The following SAMD4B variants were observed in gnomAD, a reference collection of about 807,000 sequenced individuals.
SAMD4B encodes protein Smaug homolog 2.
In SAMD4B, 5 loss-of-function variants were observed where a neutral mutation model predicts 74.5. The ratio of observed to expected loss-of-function variants is 0.07; its 90% CI spans 0.04 to 0.14. The LOEUF (loss-of-function observed/expected upper bound fraction) is 0.14. Among genes scored for constraint, SAMD4B ranks in the 10% least tolerant of loss-of-function variants. The pLI is 1.00. For synonymous variants in SAMD4B, 373 were observed against 374.9 expected (o/e 1.00, Z 0.06); for missense variants, 608 against 921.8 (o/e 0.66, Z 4.41).
At chr19:39,389,838 T>G (rs1285993773), downstream of SAMD4B, 14 of 1,576,636 alleles carry the variant, frequency 8.9e-6, no homozygotes, top group Middle Eastern at 6.1e-4. The surrounding 1 kb of genome is among the most constrained non-coding windows in gnomAD (Gnocchi z 5.3). Context: ...GAGGCGGAGC[T>G]TCTCTGGGGA....
intron 3 of SAMD4B, among the ~76,000 whole-genome samples, chr19:39,368,058 C>CA (rs1194351019): frequency 6.6e-6 from 1 of 151,604 alleles, no homozygotes; most frequent in Non-Finnish European, 1.5e-5. Flanking sequence ...ACTAAAAATA[C>CA]AAAAAATAAG....
intron 3 of SAMD4B, among the ~76,000 whole-genome samples, chr19:39,363,374 T>G (rs1343797464): frequency 6.6e-6 from 1 of 152,162 alleles, no homozygotes; most frequent in Non-Finnish European, 1.5e-5. Context: ...GTTGTACTTC[T>G]AGCTCCAAGG....
intron 3 of SAMD4B, 176 bp from the exon 4 acceptor site, chr19:39,369,479 G>A: frequency 1.6e-6 from 1 of 607,596 alleles, no homozygotes; most frequent in Admixed American, 3.0e-5. Context: ...TTACTCCAGA[G>A]GCAGGGTCAG....
chr19:39,373,166 A>G (rs1600570630), intron 4 of SAMD4B, among the ~76,000 whole-genome samples: 1 of 152,270 alleles, frequency 6.6e-6, no homozygotes, highest in African/African-American at 2.4e-5. Flanking sequence ...TCAGCCTGTC[A>G]ACTCCCGTGG....
Position 39,380,933 on chromosome 19 carries a change from C to T in SAMD4B, c.1849-57C>T, listed in dbSNP as rs535745496. The T allele has an allele frequency of 6.0e-5, 93 of 1,553,516 alleles. No individual in the cohort carries two copies. In the African/African-American group the frequency reaches 1.2e-3, roughly 20 times the overall value. On this transcript the variant is annotated intron_variant, in intron 11 of 13. Coordinates refer to ENST00000610417, the MANE Select transcript of SAMD4B (RefSeq NM_001384574.2). ...GAAGGCCTGTACCACCTCCACCACTCTTGGGTCTGGGCCTCTTCTGCACTC... is the reference window on the plus strand; with the variant it reads ...GAAGGCCTGTACCACCTCCACCACTTTTGGGTCTGGGCCTCTTCTGCACTC...
chr19:39,348,766 C>T (rs1446682854), intron 1 of SAMD4B, among the ~76,000 whole-genome samples: 3 of 152,028 alleles, frequency 2.0e-5, no homozygotes. Context: ...GGAGACAATC[C>T]ATTTGTCCAG....
At chr19:39,361,077 G>A (rs1400084451) in intron 3 of SAMD4B, among the ~76,000 whole-genome samples, 1 of 152,170 alleles carries the variant, frequency 6.6e-6, no homozygotes, top group African/African-American at 2.4e-5. Context: ...CAGTGAGGGG[G>A]TTGTTCTGGT....
rs1329140380 is a variant in SAMD4B at position 39,375,655 on chromosome 19, C to G, written c.673C>G (p.Pro225Ala). ...SIGSNANTGL[P>A]CQIHPSPLKR... ...TTTTCTCCCACTCTGGCCAGGTCTC[C>G]CCTGCCAAATCCACCCTAGCCCACT... The change falls in exon 5 of 14, where the codon CCC becomes GCC. Residue 225 changes from proline to alanine, a missense_variant. By Grantham distance (27) the Pro-to-Ala change is conservative. Around this residue, in one of 9 missense-constraint regions of SAMD4B, gnomAD observed 153 missense variants for 153.0 expected, o/e 1.00. Coordinates refer to ENST00000610417, the MANE Select transcript of SAMD4B (RefSeq NM_001384574.2). The surrounding 1 kb of genome is among the most constrained non-coding windows in gnomAD (Gnocchi z 4.1). 1.2e-6 allele frequency: 2 copies of G among 1,601,544 alleles called. No individual in the cohort carries two copies. Among genetic ancestry groups the G allele is most frequent in the Admixed American group, 1.7e-5 (1 of 59,760 alleles).
chr19:39,347,951 A>T (rs1447555964), intron 1 of SAMD4B, among the ~76,000 whole-genome samples: 1 of 152,160 alleles, frequency 6.6e-6, no homozygotes, highest in Non-Finnish European at 1.5e-5. Context: ...AAAAAATCAG[A>T]GTGTGATTCA....
chr19:39,364,286 G>C (rs986863937), intron 3 of SAMD4B, among the ~76,000 whole-genome samples: 1 of 152,198 alleles, frequency 6.6e-6, no homozygotes, highest in African/African-American at 2.4e-5. Flanking sequence ...AGATGCCTCT[G>C]GCTATGCTGC....
chr19:39,366,702 G>A (rs73546101), intron 3 of SAMD4B, among the ~76,000 whole-genome samples: 1 of 152,154 alleles, frequency 6.6e-6, no homozygotes, highest in East Asian at 1.9e-4. Flanking sequence ...TTCTGAGTTT[G>A]TATGCAAGGC....
In SAMD4B at chr19:39,377,598, C is replaced by T. The variant is rs779447832; in HGVS notation, c.1218C>T (p.Thr406=). The T allele has an allele frequency of 1.2e-6, 2 of 1,614,050 alleles. No individual in the cohort carries two copies. Among genetic ancestry groups the T allele is most frequent in the South Asian group, 1.1e-5 (1 of 91,048 alleles). ...VLQATVAAAT[T]TPTAKDGAPG... ...AGGCCACCGTGGCTGCCGCCACCAC[C>T]ACCCCTACTGCCAAGGATGGGGCCC... The change falls in exon 8 of 14, where the codon ACC becomes ACT. Residue 406 remains threonine (T), a synonymous_variant. Transcript: ENST00000610417.
At chr19:39,388,533 C>T, downstream of SAMD4B, 1 of 1,613,558 alleles carries the variant, frequency 6.2e-7, no homozygotes, top group Non-Finnish European at 8.5e-7. Flanking sequence ...CTTCCCAATC[C>T]CCAAAACTTA....
downstream of SAMD4B, chr19:39,388,208 A>G: frequency 1.2e-6 from 1 of 854,118 alleles, no homozygotes; most frequent in Admixed American, 2.3e-5. Flanking sequence ...ATGACCAGAC[A>G]TCTGCTGCTC....
intron 3 of SAMD4B, among the ~76,000 whole-genome samples, chr19:39,362,910 A>T (rs2076737666): frequency 6.6e-6 from 1 of 152,078 alleles, no homozygotes; most frequent in Non-Finnish European, 1.5e-5. Flanking sequence ...ATCAGAGCTC[A>T]GCCCTGTCCT....
downstream of SAMD4B, chr19:39,390,032 C>T (rs776734477): frequency 2.0e-6 from 3 of 1,530,286 alleles, no homozygotes; most frequent in Non-Finnish European, 1.8e-6. Flanking sequence ...CTTCAAGGAA[C>T]TCATACCTGA....
At chr19:39,369,572 G>A (rs1166692671) in intron 3 of SAMD4B, 83 bp from the exon 4 acceptor site, 2 of 1,053,112 alleles carry the variant, frequency 1.9e-6, no homozygotes, top group African/African-American at 3.2e-5. Context: ...GGAGCTGAGG[G>A]AATAGGCCAT....
At chr19:39,350,704 G>A (rs556185247) in intron 1 of SAMD4B, 2 of 152,038 alleles carry the variant, frequency 1.3e-5, no homozygotes, top group African/African-American at 2.4e-5. Flanking sequence ...GGCCAGGCTG[G>A]TCTCGAACTC....
chr19:39,353,521 A>G (rs1419606888), intron 1 of SAMD4B, among the ~76,000 whole-genome samples: 1 of 152,078 alleles, frequency 6.6e-6, no homozygotes, highest in Non-Finnish European at 1.5e-5. Context: ...ATGGCATTAT[A>G]TTGTACATAT....
Sources: allele counts gnomAD v4.1 joint callset (sites outside exome capture counted in the v4.1 genomes callset), GRCh38; gene constraint gnomAD v4.1.1; regional missense constraint gnomAD v4.1.1; non-coding constraint Gnocchi (gnomAD v3.1); transcripts MANE v1.5; gene names NCBI Gene and HGNC (gene_info 2026-07-23, HGNC 2026-07-21).